Variants in ENOX2 observed in about 807,000 individuals in gnomAD.
The protein encoded by ENOX2 is APK1 antigen.
A neutral mutation model predicts 45.0 loss-of-function variants in ENOX2; 36 were observed. The observed-to-expected ratio is 0.80, with a 90% CI of 0.61 to 1.06. The LOEUF is 1.06. ENOX2 is among the 50% of genes least tolerant of loss of function. The probability of loss-of-function intolerance (pLI) is 0.00; values close to 1 mark genes in which losing one functional copy is unlikely to be tolerated. For missense variants in ENOX2, 423 were observed against 462.5 expected (o/e 0.91, Z 0.78); for synonymous variants, 174 against 152.3 (o/e 1.14, Z -1.05).
intron 3 of ENOX2, among the ~76,000 whole-genome samples, chrX:130,719,820 T>C (rs2038428986): frequency 8.9e-6 from 1 of 112,572 alleles, no homozygotes; most frequent in Non-Finnish European, 1.9e-5. Context: ...TTAAACTCCT[T>C]TTCCAAATTA....
chrX:130,806,983 T>C (rs1466460066), intron 2 of ENOX2, among the ~76,000 whole-genome samples: 3 of 112,196 alleles, frequency 2.7e-5, no homozygotes, highest in East Asian at 2.8e-4. Flanking sequence ...CTAACACATA[T>C]GGGTATTCAA....
chrX:130,741,555 C>T (rs16999759), intron 3 of ENOX2, among the ~76,000 whole-genome samples: 2,493 of 111,626 alleles, frequency 0.022, 63 homozygotes, highest in African/African-American at 0.076. Context: ...GGGTCAGATA[C>T]ACGGAGGAGT....
At chrX:130,764,395 T>C (rs1231704391) in intron 3 of ENOX2, among the ~76,000 whole-genome samples, 1 of 111,126 alleles carries the variant, frequency 9.0e-6, no homozygotes, top group African/African-American at 3.3e-5. Context: ...CCATTACACA[T>C]TGAACCCCCA....
chrX:130,881,536 C>T (rs753266706), intron 2 of ENOX2, among the ~76,000 whole-genome samples: 14 of 112,073 alleles, frequency 1.2e-4, no homozygotes, highest in Middle Eastern at 4.6e-3. Flanking sequence ...TCTTAGGTAA[C>T]GCTGTCACAG....
In ENOX2 at chrX:130,688,849, A is replaced by G; in HGVS notation, c.253+14T>C. ...AATATTGTGTCTTGTGTGGAGAAAAAAGCAGAATATTACTTGGATTTGGAG... is the reference window on the plus strand; with the variant it reads ...AATATTGTGTCTTGTGTGGAGAAAAGAGCAGAATATTACTTGGATTTGGAG... On this transcript the variant is annotated intron_variant, in intron 5 of 14. Coordinates refer to ENST00000394363, the MANE Select transcript of ENOX2 (RefSeq NM_006375.4). 1.7e-6 allele frequency: 2 copies of G among 1,172,784 alleles called. No individual in the cohort carries two copies. Among genetic ancestry groups the G allele is most frequent in the Non-Finnish European group, 2.3e-6 (2 of 868,882 alleles).
chrX:130,772,942 T>C (rs1345296174), intron 3 of ENOX2, among the ~76,000 whole-genome samples: 5 of 112,423 alleles, frequency 4.4e-5, no homozygotes, highest in African/African-American at 1.3e-4. Context: ...TTGCTCTTAT[T>C]TACTGAGTGT....
At chrX:130,895,578 A>G (rs1438911589) in intron 2 of ENOX2, among the ~76,000 whole-genome samples, 1 of 112,193 alleles carries the variant, frequency 8.9e-6, no homozygotes, top group Non-Finnish European at 1.9e-5. Flanking sequence ...TGCTCTGCCT[A>G]CCGAGGCATT....
At chrX:130,751,043 CTCTT>C (rs2039207777) in intron 3 of ENOX2, among the ~76,000 whole-genome samples, 1 of 111,850 alleles carries the variant, frequency 8.9e-6, no homozygotes, top group Admixed American at 9.5e-5. Context: ...TTTCCTCTCT[CTCTT>C]TCTGTCACAA....
At chrX:130,754,134 C>A (rs983329903) in intron 3 of ENOX2, among the ~76,000 whole-genome samples, 1 of 111,833 alleles carries the variant, frequency 8.9e-6, no homozygotes, top group Non-Finnish European at 1.9e-5. Flanking sequence ...ACATTGCATA[C>A]ATGGCTCAAA....
chrX:130,762,199 T>C (rs1168259968), intron 3 of ENOX2, among the ~76,000 whole-genome samples: 1 of 112,396 alleles, frequency 8.9e-6, no homozygotes, highest in African/African-American at 3.2e-5. Context: ...TTTGCAACTA[T>C]AAATTTCCTC....
chrX:130,703,151 C>T lies in ENOX2; in HGVS notation c.66G>A (p.Pro22=), dbSNP rs139249797. Residue 22 remains proline (P), a synonymous_variant, in exon 4 of 15, where the codon CCG becomes CCA. Coordinates refer to ENST00000394363, the MANE Select transcript of ENOX2 (RefSeq NM_006375.4). ...ATAMNNLGMA[P]LGIAGQPILP... is the part of the protein sequence containing the mutation. ...AAATTGGTTGTCCGGCAATTCCCAG[C>T]GGTGCCATTCCAAGATTATTCATTG... is the stretch of plus-strand genomic sequence containing the variant. The T allele has an allele frequency of 3.5e-5, 42 of 1,206,393 alleles. No homozygotes were observed. The highest frequency in any genetic ancestry group is 3.0e-4 in the East Asian group (10 of 33,620).
At chrX:130,874,472 C>G (rs2078656159) in intron 2 of ENOX2, among the ~76,000 whole-genome samples, 1 of 111,858 alleles carries the variant, frequency 8.9e-6, no homozygotes, top group South Asian at 3.7e-4. Context: ...GGAACTATAG[C>G]TTAATAACCA....
chrX:130,777,633 G>C (rs2039888556), intron 3 of ENOX2, among the ~76,000 whole-genome samples: 1 of 111,609 alleles, frequency 9.0e-6, no homozygotes, highest in Admixed American at 9.5e-5. Flanking sequence ...AATTCCTAAT[G>C]ACTTAAGTAC....
intron 2 of ENOX2, among the ~76,000 whole-genome samples, chrX:130,838,324 G>A (rs1247698826): frequency 1.8e-5 from 2 of 112,086 alleles, no homozygotes; most frequent in African/African-American, 6.5e-5. Context: ...AGAGGTTGCA[G>A]TGAGCCGAGA....
intron 2 of ENOX2, among the ~76,000 whole-genome samples, chrX:130,861,248 C>T (rs1350397742): frequency 8.9e-6 from 1 of 112,160 alleles, no homozygotes; most frequent in African/African-American, 3.2e-5. Flanking sequence ...AGCAATCTCA[C>T]TTCTGGGTAT....
chrX:130,778,127 G>A (rs1341154274), intron 3 of ENOX2, among the ~76,000 whole-genome samples: 2 of 111,751 alleles, frequency 1.8e-5, no homozygotes, highest in Non-Finnish European at 3.8e-5. Context: ...TCAGTCCTGT[G>A]AGTCTGAGGT....
chrX:130,801,895 A>G (rs2077223402), intron 2 of ENOX2, among the ~76,000 whole-genome samples: 1 of 112,065 alleles, frequency 8.9e-6, no homozygotes, highest in African/African-American at 3.2e-5. Context: ...CTTTGAGGCA[A>G]GCAAAAAGTC....
chrX:130,656,688 C>T lies in ENOX2; in HGVS notation c.1022G>A (p.Arg341His), dbSNP rs200580901. The T allele has an allele frequency of 5.6e-5, 61 of 1,090,216 alleles. No individual in the cohort carries two copies. Among genetic ancestry groups the T allele is most frequent in the Non-Finnish European group, 6.6e-5 (52 of 793,458 alleles). 89.8% of individuals were successfully genotyped at this position (1,090,216 alleles called of 1,213,427 possible). ...CATTAATTCATCATTATGAATGTTGCGAATTTCCTAAGGTTAAAAAGTATG... is the reference window on the plus strand; with the variant it reads ...CATTAATTCATCATTATGAATGTTGTGAATTTCCTAAGGTTAAAAAGTATG... ...SVWCKQAEEI[R>H]NIHNDELMGI... The change falls in exon 10 of 15, where the codon CGC (arginine) becomes CAC (histidine). Residue 341 changes from arginine to histidine, a missense_variant. This residue lies in a region of ENOX2 where 261 missense variants were observed against 306.8 expected (regional missense o/e 0.85). Transcript: ENST00000394363.
At chrX:130,892,626 G>C (rs2079001850) in intron 2 of ENOX2, among the ~76,000 whole-genome samples, 1 of 112,635 alleles carries the variant, frequency 8.9e-6, no homozygotes, top group Non-Finnish European at 1.9e-5. Flanking sequence ...GCTGTCTATG[G>C]AATGTGTGCC....
Sources: gnomAD v4.1 joint callset for allele counts (sites outside exome capture counted in the v4.1 genomes callset) on GRCh38, gnomAD v4.1.1 for gene constraint, gnomAD v4.1.1 regional missense constraint, MANE v1.5 for transcripts, NCBI Gene and HGNC (gene_info 2026-07-23, HGNC 2026-07-21) for gene names.